Variants in CYP2S1 observed in about 807,000 individuals in gnomAD.
The protein encoded by CYP2S1 is cytochrome P450 2S1.
In CYP2S1, 32 loss-of-function variants were observed where a neutral mutation model predicts 43.5. That is an observed-to-expected ratio of 0.74 (90% CI 0.56 to 0.99). The LOEUF (loss-of-function observed/expected upper bound fraction) is 0.99, where lower values mean the gene tolerates loss of function less well. CYP2S1 is among the 50% of genes least tolerant of loss of function. The pLI is 0.00. For missense variants in CYP2S1, 575 were observed against 673.9 expected (o/e 0.85, Z 1.62); for synonymous variants, 283 against 302.9 (o/e 0.93, Z 0.68).
intron 7 of CYP2S1, among the ~76,000 whole-genome samples, chr19:41,205,611 T>C (rs1245894555): frequency 6.6e-6 from 1 of 151,866 alleles, no homozygotes; most frequent in African/African-American, 2.4e-5. Flanking sequence ...AGCCTTGAAC[T>C]CCTAGGCTCA....
In CYP2S1 at chr19:41,198,438, C is replaced by T. The variant is rs1294162413; in HGVS notation, c.494-24C>T. The T allele has an allele frequency of 3.1e-6, 5 of 1,611,242 alleles. No individual in the cohort carries two copies. In the South Asian group the frequency reaches 5.5e-5, roughly 18 times the overall value. On this transcript the variant is annotated intron_variant, in intron 3 of 8. Coordinates refer to ENST00000310054, the MANE Select transcript of CYP2S1 (RefSeq NM_030622.8). The surrounding 1 kb of genome is among the most constrained non-coding windows in gnomAD (Gnocchi z 4.9). ...CTCTGCCTGGCTCCATCACAGCCTA[C>T]CTCCCTGCCCCCATTCCCCCCAGGA...
chr19:41,193,332 T>C lies in CYP2S1; in HGVS notation c.68T>C (p.Leu23Pro). 6.5e-7 allele frequency: 1 copy of C among 1,540,290 alleles called. No individual in the cohort carries two copies. The highest frequency in any genetic ancestry group is 8.7e-7 in the Non-Finnish European group (1 of 1,143,016). Residue 23 changes from leucine to proline, a missense_variant, in exon 1 of 9, where the codon CTG becomes CCG. By Grantham distance (98) the Leu-to-Pro change is moderately conservative. Transcript: ENST00000310054. ...LALLLLLTLA[L>P]SGTRARGHLP... ...CTGCTCCTGCTGCTGACGCTGGCGCTGTCCGGGACCAGGGCCCGAGGCCAC... is the reference window on the plus strand; with the variant it reads ...CTGCTCCTGCTGCTGACGCTGGCGCCGTCCGGGACCAGGGCCCGAGGCCAC...
rs1230173385 is a variant in CYP2S1, at chr19:41,203,483, G to A, written c.1010G>A (p.Gly337Glu). 7 of 1,608,284 alleles carry A rather than the reference G, an allele frequency of 4.4e-6. No homozygotes were observed. The highest frequency in any genetic ancestry group is 5.9e-6 in the Non-Finnish European group (7 of 1,177,548). The change falls in exon 7 of 9, where the codon GGG becomes GAG. Residue 337 changes from glycine to glutamate, a missense_variant. Coordinates refer to ENST00000310054, the MANE Select transcript of CYP2S1 (RefSeq NM_030622.8). ...WVREELNREL[G>E]AGQAPSLGDR... ...CGTGAGGAGCTGAATCGGGAGCTGG[G>A]GGCTGGCCAGGCACCAAGCCTAGGG...
At chr19:41,196,752 A>G (rs1416861180) in intron 2 of CYP2S1, among the ~76,000 whole-genome samples, 1 of 152,046 alleles carries the variant, frequency 6.6e-6, no homozygotes, top group Non-Finnish European at 1.5e-5. Context: ...GGTGTCTTGG[A>G]TAAGGGAGGA....
At chr19:41,200,407 C>G (rs555481352) in intron 5 of CYP2S1, among the ~76,000 whole-genome samples, 2 of 152,084 alleles carry the variant, frequency 1.3e-5, no homozygotes, top group African/African-American at 4.8e-5. Flanking sequence ...AAGTCTCACT[C>G]TGTCACCCAG....
At chr19:41,205,410 TTCTTTCTTTCTCTC>T (rs879299348) in intron 7 of CYP2S1, among the ~76,000 whole-genome samples, 47,181 of 127,904 alleles carry the variant, frequency 0.37, 9,988 homozygotes, top group African/African-American at 0.65. Context: ...CTCTCTTTCT[TTCTTTCTTTCTCTC>T]TCTCTCTCTT....
At chr19:41,197,974 G>A in intron 3 of CYP2S1, 46 bp downstream of exon 3, 1 of 1,566,408 alleles carries the variant, frequency 6.4e-7, no homozygotes, top group Non-Finnish European at 8.6e-7. Flanking sequence ...GAGTGAAAGG[G>A]AAAACTCTCC....
At chr19:41,196,490 G>T (rs963986681) in intron 2 of CYP2S1, among the ~76,000 whole-genome samples, 1 of 152,108 alleles carries the variant, frequency 6.6e-6, no homozygotes, top group Non-Finnish European at 1.5e-5. Context: ...TGATAGGGAG[G>T]ATCCAGGGTG....
At position 41,206,427 on chromosome 19, in the gene CYP2S1, C is replaced by T. The variant is rs1599717364; in HGVS notation, c.1454C>T (p.Pro485Leu). The change falls in exon 9 of 9, where the codon CCC becomes CTC. Residue 485 changes from proline to leucine, a missense_variant. This residue lies in a region of CYP2S1 where 222 missense variants were observed against 306.3 expected (regional missense o/e 0.72). Coordinates refer to ENST00000310054, the MANE Select transcript of CYP2S1 (RefSeq NM_030622.8). ...ACCGTCAGTGGCCTTTTCAACATTCCCCCAGCCTTCCAGCTGCAAGTCCGT... is the reference window on the plus strand; with the variant it reads ...ACCGTCAGTGGCCTTTTCAACATTCTCCCAGCCTTCCAGCTGCAAGTCCGT... ...KPTVSGLFNI[P>L]PAFQLQVRPT... 1 of 1,614,174 alleles carries T rather than the reference C, an allele frequency of 6.2e-7. No individual in the cohort carries two copies.
Position 41,203,443 on chromosome 19 carries a change from C to T in CYP2S1, c.977-7C>T. The T allele has an allele frequency of 6.3e-7, 1 of 1,593,302 alleles. No individual in the cohort carries two copies. Among genetic ancestry groups the T allele is most frequent in the East Asian group, 2.3e-5 (1 of 43,482 alleles). ...CCGTCTGACTCCTGCCCTCCTCTTG[C>T]TTGCAGAGTGGGTACGTGAGGAGCT... On this transcript the variant is annotated splice_region_variant and splice_polypyrimidine_tract_variant and intron_variant, in intron 6 of 8. Transcript: ENST00000310054.
At chr19:41,194,881 G>A (rs1000445594) in intron 2 of CYP2S1, among the ~76,000 whole-genome samples, 172 bp downstream of exon 2, 5 of 152,182 alleles carry the variant, frequency 3.3e-5, no homozygotes, top group Admixed American at 2.0e-4. Flanking sequence ...TTTGGGAGGC[G>A]GAGGTGGGTG....
rs760166706 is a variant in CYP2S1 at position 41,203,419 on chromosome 19, C to T, written c.977-31C>T. The T allele has an allele frequency of 2.4e-5, 38 of 1,555,794 alleles. No individual in the cohort carries two copies. In the South Asian group the frequency reaches 2.8e-4, roughly 11 times the overall value. On this transcript the variant is annotated intron_variant, in intron 6 of 8. Transcript: ENST00000310054. ...GAGGAGGATCCCTGGGCCCTACCCC[C>T]GTCTGACTCCTGCCCTCCTCTTGCT...
rs2033441683 is a variant in CYP2S1 at position 41,198,376 on chromosome 19, G to T, written c.494-86G>T. ...TCCATCCATCTTTCCCTGCCTCCCT[G>T]TCTCTCTCTGGTTGGGTTCAGCTCC... On this transcript the variant is annotated intron_variant, in intron 3 of 8. Coordinates refer to ENST00000310054, the MANE Select transcript of CYP2S1 (RefSeq NM_030622.8). This position sits in a 1 kb window ranked among gnomAD's most constrained non-coding sequence, Gnocchi z 4.9. 9 of 1,541,554 alleles carry T rather than the reference G, an allele frequency of 5.8e-6. No homozygotes were observed. The East Asian group carries it at 1.8e-4, about 31-fold the overall frequency.
At position 41,206,268 on chromosome 19, in the gene CYP2S1, T is replaced by C. The variant is rs775273660; in HGVS notation, c.1307-12T>C. ...ACTGACTCAGCCCTCTCTCTCTCTC[T>C]CTCCTCACCAGGGAAGCGTGTCTGC... On this transcript the variant is annotated splice_polypyrimidine_tract_variant and intron_variant, in intron 8 of 8. Coordinates refer to ENST00000310054, the MANE Select transcript of CYP2S1 (RefSeq NM_030622.8). The C allele has an allele frequency of 1.9e-6, 3 of 1,613,710 alleles. No individual in the cohort carries two copies. The highest frequency in any genetic ancestry group is 2.2e-5 in the South Asian group (2 of 91,050).
intron 7 of CYP2S1, among the ~76,000 whole-genome samples, chr19:41,204,461 G>A (rs896566424): frequency 6.6e-6 from 1 of 152,116 alleles, no homozygotes; most frequent in Non-Finnish European, 1.5e-5. Flanking sequence ...AGAACCAAAA[G>A]GGGGCGATGT....
rs747779095 is a variant in CYP2S1 at position 41,198,569 on chromosome 19, G to T, written c.601G>T (p.Val201Leu). 1.2e-6 allele frequency: 2 copies of T among 1,614,074 alleles called. No individual in the cohort carries two copies. Among genetic ancestry groups the T allele is most frequent in the East Asian group, 2.2e-5 (1 of 44,886 alleles). Residue 201 changes from valine (V) to leucine (L), a missense_variant, in exon 4 of 9, where the codon GTG becomes TTG. This residue lies in a region of CYP2S1 where 353 missense variants were observed against 367.6 expected (regional missense o/e 0.96). Coordinates refer to ENST00000310054, the MANE Select transcript of CYP2S1 (RefSeq NM_030622.8). This position sits in a 1 kb window ranked among gnomAD's most constrained non-coding sequence, Gnocchi z 4.9. ...CTATGAGGATAAGGAGTTCCAGGCC[G>T]TGGTCCGGGCAGCTGGTGGTACCCT... Reference protein sequence around the residue: ...FSYEDKEFQAVVRAAGGTLLG... With the variant: ...FSYEDKEFQALVRAAGGTLLG...
In CYP2S1 at chr19:41,197,840, G is replaced by A. The variant is rs747278251; in HGVS notation, c.405G>A (p.Leu135=). The A allele has an allele frequency of 3.1e-6, 5 of 1,614,044 alleles. No individual in the cohort carries two copies. The highest frequency in any genetic ancestry group is 3.3e-5 in the Admixed American group (2 of 60,006). The change falls in exon 3 of 9, where the codon CTG becomes CTA. Residue 135 remains leucine (L), a synonymous_variant. Coordinates refer to ENST00000310054, the MANE Select transcript of CYP2S1 (RefSeq NM_030622.8). ...RQLRKFTMLA[L]RDLGMGKREG... is the part of the protein sequence containing the mutation. ...TGAGGAAGTTTACCATGCTTGCTCT[G>A]CGGGACCTGGGCATGGGGAAGCGAG... is the stretch of plus-strand genomic sequence containing the variant.
Position 41,197,943 on chromosome 19 carries a change from G to T in CYP2S1, c.493+15G>T. On this transcript the variant is annotated intron_variant, in intron 3 of 8. Transcript: ENST00000310054. Reference sequence around the variant, plus strand: ...GGGGACAGAAGGTCAGCATGGCGGGGTCACCCCAGGGTCTCCAGCCGAGTG... The same window carrying T: ...GGGGACAGAAGGTCAGCATGGCGGGTTCACCCCAGGGTCTCCAGCCGAGTG... 6.2e-7 allele frequency: 1 copy of T among 1,603,906 alleles called. No individual in the cohort carries two copies. Among genetic ancestry groups the T allele is most frequent in the South Asian group, 1.1e-5 (1 of 89,936 alleles).
In CYP2S1 at chr19:41,194,604, G is replaced by T; in HGVS notation, c.238G>T (p.Val80Phe). The T allele has an allele frequency of 1.2e-6, 2 of 1,611,726 alleles. No individual in the cohort carries two copies. Among genetic ancestry groups the T allele is most frequent in the Non-Finnish European group, 1.7e-6 (2 of 1,179,074 alleles). ...CCTGGGACCCTGGCGGCCTGTGGTG[G>T]TCCTGGTTGGGCAGGAGGCTGTGCG... ...IYLGPWRPVVVLVGQEAVREA... is the reference protein window; with the variant it reads ...IYLGPWRPVVFLVGQEAVREA... Residue 80 changes from valine to phenylalanine, a missense_variant, in exon 2 of 9, where the codon GTC becomes TTC. Physicochemically the swap from Val to Phe is conservative, Grantham distance 50. Around this residue, in one of 2 missense-constraint regions of CYP2S1, gnomAD observed 353 missense variants for 367.6 expected, o/e 0.96. Coordinates refer to ENST00000310054, the MANE Select transcript of CYP2S1 (RefSeq NM_030622.8).
Sources: allele counts gnomAD v4.1 joint callset (sites outside exome capture counted in the v4.1 genomes callset), GRCh38; gene constraint gnomAD v4.1.1; regional missense constraint gnomAD v4.1.1; non-coding constraint Gnocchi (gnomAD v3.1); transcripts MANE v1.5; gene names NCBI Gene and HGNC (gene_info 2026-07-23, HGNC 2026-07-21).